The following CAST variants were observed in gnomAD, a reference collection of about 807,000 sequenced individuals.
CAST encodes the protein calpastatin, also known as MIR583 host.
Under a neutral mutation model 119.6 loss-of-function variants are expected in CAST, and 76 were observed. The ratio of observed to expected loss-of-function variants is 0.64; its 90% CI spans 0.53 to 0.77. The LOEUF (loss-of-function observed/expected upper bound fraction) is 0.77. CAST is among the 30% of genes least tolerant of loss of function. The pLI is 0.00. For synonymous variants in CAST, 319 were observed against 331.6 expected, an observed-to-expected ratio of 0.96 and a Z score of 0.41; for missense variants, 953 against 946.5, an observed-to-expected ratio of 1.01 and a Z score of -0.09.
At chr5:96,069,265 A>T in the CAST span, among the ~76,000 whole-genome samples, 1 of 152,028 alleles carries the variant, frequency 6.6e-6, no homozygotes, top group Non-Finnish European at 1.5e-5. Flanking sequence ...ACACATATAT[A>T]CACAAATATA....
the CAST span, among the ~76,000 whole-genome samples, chr5:96,255,000 G>T: frequency 2.0e-5 from 3 of 152,138 alleles, no homozygotes; most frequent in Admixed American, 2.0e-4. Context: ...TCTTTGGGTG[G>T]ATTAAAAGTT....
chr5:96,696,015 T>C (rs1241820380), intron 3 of CAST, 108 bp downstream of exon 3: 1 of 562,158 alleles, frequency 1.8e-6, no homozygotes, highest in African/African-American at 1.9e-5. Context: ...TCACTGAAGG[T>C]TTTTTAACAA....
chr5:96,769,713 C>T (rs1340934775), intron 29 of CAST: 1 of 151,738 alleles, frequency 6.6e-6, no homozygotes, highest in Admixed American at 6.6e-5. Flanking sequence ...TATTTTGTAT[C>T]CTTTGACCTA....
At chr5:96,089,254 TC>T in the CAST span, among the ~76,000 whole-genome samples, 4 of 149,626 alleles carry the variant, frequency 2.7e-5, no homozygotes, top group African/African-American at 4.9e-5. Flanking sequence ...AATATATATT[TC>T]GAGGATTATA....
At chr5:96,638,717 T>C (rs1208447445) in intron 1 of CAST, among the ~76,000 whole-genome samples, 1 of 152,242 alleles carries the variant, frequency 6.6e-6, no homozygotes, top group Non-Finnish European at 1.5e-5. Context: ...AACATATTCA[T>C]GGCTGTTGTC....
the CAST span, among the ~76,000 whole-genome samples, chr5:96,224,652 T>C: frequency 6.6e-6 from 1 of 152,144 alleles, no homozygotes; most frequent in Non-Finnish European, 1.5e-5. Context: ...CTTTTAGTCA[T>C]TGAAATGAAT....
At chr5:96,134,998 A>G in the CAST span, among the ~76,000 whole-genome samples, 1 of 152,188 alleles carries the variant, frequency 6.6e-6, no homozygotes, top group Non-Finnish European at 1.5e-5. Flanking sequence ...AGACACTTCC[A>G]GGAAATAGCG....
chr5:96,433,051 C>T, the CAST span: 1 of 1,613,634 alleles, frequency 6.2e-7, no homozygotes. Context: ...ATAGCTCACA[C>T]ACTCGCTTGA....
chr5:96,719,048 A>G (rs1757722911), intron 3 of CAST, among the ~76,000 whole-genome samples: 1 of 152,144 alleles, frequency 6.6e-6, no homozygotes, highest in African/African-American at 2.4e-5. Context: ...AAGGGATTCT[A>G]ATGTGTGGTA....
the CAST span, among the ~76,000 whole-genome samples, chr5:96,447,586 C>G: frequency 1.3e-5 from 2 of 152,102 alleles, no homozygotes; most frequent in Admixed American, 1.3e-4. Flanking sequence ...TTAAAATTGC[C>G]TGAGTTTAAA....
chr5:96,534,170 A>G (rs2150177919), intron 1 of CAST, among the ~76,000 whole-genome samples: 1 of 152,286 alleles, frequency 6.6e-6, no homozygotes, highest in Non-Finnish European at 1.5e-5. Flanking sequence ...TGTAAAATGA[A>G]ATGTGTCAAC....
At chr5:96,096,048 G>A in the CAST span, among the ~76,000 whole-genome samples, 7 of 152,124 alleles carry the variant, frequency 4.6e-5, no homozygotes, top group Non-Finnish European at 1.0e-4. Flanking sequence ...TGGTACTCAG[G>A]CCACAGTGAA....
At chr5:96,509,517 G>A in the CAST span, among the ~76,000 whole-genome samples, 1 of 152,176 alleles carries the variant, frequency 6.6e-6, no homozygotes, top group Non-Finnish European at 1.5e-5. Context: ...GACAACAAAA[G>A]GTAAGCAGGA....
the CAST span, among the ~76,000 whole-genome samples, chr5:96,009,811 GTTAA>G: frequency 3.9e-5 from 6 of 152,074 alleles, no homozygotes; most frequent in Admixed American, 3.9e-4. Flanking sequence ...GATCCCACTT[GTTAA>G]TTTTTGTTTT....
the CAST span, among the ~76,000 whole-genome samples, chr5:96,255,798 A>G: frequency 1.3e-5 from 2 of 152,140 alleles, no homozygotes; most frequent in Admixed American, 6.6e-5. Context: ...AGGATAATAT[A>G]TATAAGCCCA....
At chr5:96,359,846 G>C in the CAST span, among the ~76,000 whole-genome samples, 1 of 151,996 alleles carries the variant, frequency 6.6e-6, no homozygotes, top group African/African-American at 2.4e-5. Context: ...ACTTTGTGGC[G>C]TTCTCTGTAT....
intron 4 of CAST, among the ~76,000 whole-genome samples, chr5:96,726,054 TAAAA>T (rs1759189792): frequency 6.6e-6 from 1 of 152,014 alleles, no homozygotes; most frequent in African/African-American, 2.4e-5. Flanking sequence ...CCTCTTCAAA[TAAAA>T]ATAAATAAAT....
chr5:96,461,511 CTG>C, the CAST span, among the ~76,000 whole-genome samples: 1 of 152,104 alleles, frequency 6.6e-6, no homozygotes, highest in African/African-American at 2.4e-5. Flanking sequence ...CACATCCTCA[CTG>C]ACACTGGTCA....
At chr5:96,494,921 T>C in the CAST span, among the ~76,000 whole-genome samples, 1 of 151,800 alleles carries the variant, frequency 6.6e-6, no homozygotes, top group Non-Finnish European at 1.5e-5. Flanking sequence ...CTCGAGACCA[T>C]CCTGGCTAAC....
Sources: gnomAD v4.1 joint callset for allele counts (sites outside exome capture counted in the v4.1 genomes callset) on GRCh38, gnomAD v4.1.1 for gene constraint, MANE v1.5 for transcripts, NCBI Gene and HGNC (gene_info 2026-07-23, HGNC 2026-07-21) for gene names.